Variants in GLDN observed in about 807,000 individuals in gnomAD.
GLDN encodes collomin.
A neutral mutation model predicts 56.5 loss-of-function variants in GLDN; 47 were observed. The observed-to-expected ratio is 0.83, with a 90% CI of 0.66 to 1.06. The LOEUF (loss-of-function observed/expected upper bound fraction) is 1.06. GLDN is among the 50% of genes least tolerant of loss of function. The pLI is 0.00. For synonymous variants in GLDN, 332 were observed against 278.8 expected, an observed-to-expected ratio of 1.19 and a Z score of -1.90; for missense variants, 782 against 714.3, an observed-to-expected ratio of 1.09 and a Z score of -1.08.
At chr15:51,380,253 G>A (rs1348232310) in intron 2 of GLDN, among the ~76,000 whole-genome samples, 1 of 152,212 alleles carries the variant, frequency 6.6e-6, no homozygotes, top group Non-Finnish European at 1.5e-5. Context: ...GGCGACTGCA[G>A]AGCATTAAGC....
chr15:51,376,179 A>G (rs2037627453), intron 1 of GLDN, among the ~76,000 whole-genome samples: 1 of 152,214 alleles, frequency 6.6e-6, no homozygotes, highest in Non-Finnish European at 1.5e-5. Flanking sequence ...CATGGTGTGT[A>G]CTTGCAGGAA....
At chr15:51,374,613 G>T (rs1288357227) in intron 1 of GLDN, among the ~76,000 whole-genome samples, 1 of 152,242 alleles carries the variant, frequency 6.6e-6, no homozygotes, top group East Asian at 1.9e-4. Context: ...AGAGCTATTG[G>T]GGGTGAGGGG....
chr15:51,412,006 G>C (rs1053107955), downstream of GLDN, among the ~76,000 whole-genome samples: 1 of 152,242 alleles, frequency 6.6e-6, no homozygotes, highest in African/African-American at 2.4e-5. Context: ...AAGAAGCTAG[G>C]AAAGAAATAC....
intron 1 of GLDN, among the ~76,000 whole-genome samples, chr15:51,342,410 G>C (rs898762394): frequency 2.6e-5 from 4 of 152,360 alleles, no homozygotes. Context: ...GGCTCCGCCT[G>C]TGCCACTGAC....
intron 1 of GLDN, among the ~76,000 whole-genome samples, chr15:51,357,195 C>G (rs1015045132): frequency 6.6e-6 from 1 of 152,224 alleles, no homozygotes; most frequent in African/African-American, 2.4e-5. Flanking sequence ...GCTTTCCTTT[C>G]ACTTTCACTT....
At chr15:51,376,618 T>C (rs1261950593) in intron 1 of GLDN, among the ~76,000 whole-genome samples, 2 of 152,248 alleles carry the variant, frequency 1.3e-5, no homozygotes, top group Non-Finnish European at 2.9e-5. Flanking sequence ...CTTTTACTTT[T>C]TGACTTGTAA....
Position 51,342,146 on chromosome 15 carries a change from C to A in GLDN, c.363+99C>A, listed in dbSNP as rs187694166. 0.046 allele frequency: 67,154 copies of A among 1,451,500 alleles called. 1,734 individuals carry two copies. Among genetic ancestry groups the A allele is most frequent in the East Asian group, 0.095 (4,019 of 42,470 alleles). 89.9% of individuals were successfully genotyped at this position (1,451,500 alleles called of 1,614,324 possible). On this transcript the variant is annotated intron_variant, in intron 1 of 9. Coordinates refer to ENST00000335449, the MANE Select transcript of GLDN (RefSeq NM_181789.4). ...GCCCTCTTCTCCCCTGGCCAGGCTG[C>A]GAGGTGCTGCGGAGAGGGCTGTGGG...
At chr15:51,343,441 G>T (rs2036921810) in intron 1 of GLDN, among the ~76,000 whole-genome samples, 1 of 152,134 alleles carries the variant, frequency 6.6e-6, no homozygotes, top group Non-Finnish European at 1.5e-5. Flanking sequence ...CCTCAAAAAG[G>T]GATACATCTG....
chr15:51,408,567 C>A (rs2038429608), downstream of GLDN, among the ~76,000 whole-genome samples: 1 of 152,020 alleles, frequency 6.6e-6, no homozygotes, highest in Non-Finnish European at 1.5e-5. Context: ...ACTTTAAGTT[C>A]TAGTGTACAT....
intron 1 of GLDN, chr15:51,367,242 T>A (rs1017172008): frequency 6.6e-6 from 1 of 152,190 alleles, no homozygotes; most frequent in African/African-American, 2.4e-5. Flanking sequence ...AGGCATGCAT[T>A]TTCAGATGTT....
At chr15:51,342,190 T>C in intron 1 of GLDN, 143 bp downstream of exon 1, 1 of 1,072,224 alleles carries the variant, frequency 9.3e-7, no homozygotes, top group Non-Finnish European at 1.3e-6. Context: ...GCTGGGGATG[T>C]CACCTTGGCA....
intron 1 of GLDN, among the ~76,000 whole-genome samples, chr15:51,373,980 T>C (rs2037570449): frequency 6.6e-6 from 1 of 152,232 alleles, no homozygotes. Flanking sequence ...TTTCTAACTT[T>C]ATGGCCACAC....
Position 51,404,303 on chromosome 15 carries a change from A to C in GLDN, c.1205A>C (p.Gln402Pro), listed in dbSNP as rs2038320944. ...TTTGAATTTGGCCAGGAAACATCCC[A>C]AACTCTGAAGCTTGAAAATGCCTTG... ...VRFEFGQETS[Q>P]TLKLENALYF... The change falls in exon 10 of 10, where the codon CAA (glutamine) becomes CCA (proline). Residue 402 changes from glutamine to proline, a missense_variant. Gln to Pro is a moderately conservative substitution (Grantham distance 76). Coordinates refer to ENST00000335449, the MANE Select transcript of GLDN (RefSeq NM_181789.4). The C allele has an allele frequency of 4.4e-6, 7 of 1,599,784 alleles. No individual in the cohort carries two copies. Among genetic ancestry groups the C allele is most frequent in the Non-Finnish European group, 5.1e-6 (6 of 1,174,186 alleles).
downstream of GLDN, among the ~76,000 whole-genome samples, chr15:51,410,043 C>G (rs1332208871): frequency 6.6e-6 from 1 of 152,168 alleles, no homozygotes; most frequent in Non-Finnish European, 1.5e-5. Flanking sequence ...ACTTGTTACT[C>G]TCAAGATTAC....
chr15:51,353,825 A>G (rs1294339458), intron 1 of GLDN, among the ~76,000 whole-genome samples: 1 of 151,932 alleles, frequency 6.6e-6, no homozygotes, highest in Non-Finnish European at 1.5e-5. Context: ...CACACAAAAA[A>G]GAAATTCTTG....
chr15:51,379,931 T>C (rs115760526), intron 2 of GLDN, among the ~76,000 whole-genome samples: 174 of 152,282 alleles, frequency 1.1e-3, no homozygotes, highest in African/African-American at 3.7e-3. Flanking sequence ...CCATGAAGCA[T>C]AGAATACTTA....
At chr15:51,342,229 C>T in intron 1 of GLDN, 182 bp downstream of exon 1, 3 of 708,372 alleles carry the variant, frequency 4.2e-6, no homozygotes, top group Non-Finnish European at 6.8e-6. Context: ...AGTCTGTTTT[C>T]TCATCTGTGA....
chr15:51,364,878 C>T (rs1005100319), intron 1 of GLDN, among the ~76,000 whole-genome samples: 1 of 152,058 alleles, frequency 6.6e-6, no homozygotes, highest in African/African-American at 2.4e-5. Context: ...CTTTAATTAC[C>T]AAGGGGAAGA....
chr15:51,409,254 G>T (rs1218488839), downstream of GLDN, among the ~76,000 whole-genome samples: 1 of 151,702 alleles, frequency 6.6e-6, no homozygotes, highest in African/African-American at 2.4e-5. Flanking sequence ...ATGAAAAAAT[G>T]GTTCAAGTAC....
Sources: allele counts gnomAD v4.1 joint callset (sites outside exome capture counted in the v4.1 genomes callset), GRCh38; gene constraint gnomAD v4.1.1; transcripts MANE v1.5; gene names NCBI Gene and HGNC (gene_info 2026-07-23, HGNC 2026-07-21).